TJP2: variants seen among roughly 807,000 people sequenced by gnomAD.
TJP2 encodes tight junction protein 2.
In TJP2, 91 loss-of-function variants were observed where a neutral mutation model predicts 133.1. The ratio of observed to expected loss-of-function variants is 0.68; its 90% CI spans 0.58 to 0.81. The LOEUF (loss-of-function observed/expected upper bound fraction) is 0.81, where lower values mean the gene tolerates loss of function less well. Ranked by LOEUF, TJP2 falls within the 40% of genes least tolerant of loss-of-function variation. The pLI is 0.00. For synonymous variants in TJP2, 592 were observed against 583.4 expected, an observed-to-expected ratio of 1.01 and a Z score of -0.21; for missense variants, 1,541 against 1,565.6, an observed-to-expected ratio of 0.98 and a Z score of 0.26.
chr9:69,234,591 G>GGGGGGCCC, intron 12 of TJP2, 44 bp downstream of exon 12: 1 of 572,868 alleles, frequency 1.7e-6, no homozygotes, highest in Non-Finnish European at 3.4e-6. Context: ...TGGGGGTGGG[G>GGGGGGCCC]AGTGGGAAGG....
At chr9:69,211,219 C>A (rs1359480199) in intron 1 of TJP2, among the ~76,000 whole-genome samples, 1 of 152,142 alleles carries the variant, frequency 6.6e-6, no homozygotes, top group Non-Finnish European at 1.5e-5. Flanking sequence ...CACCTGTAAT[C>A]CTAGCTACCC....
intron 1 of TJP2, among the ~76,000 whole-genome samples, chr9:69,128,737 A>G (rs1241779221): frequency 1.3e-5 from 2 of 152,166 alleles, no homozygotes; most frequent in African/African-American, 2.4e-5. Flanking sequence ...CGTGTTAGCC[A>G]GGATGGTCTC....
At chr9:69,182,900 G>A (rs1275867296) in intron 1 of TJP2, among the ~76,000 whole-genome samples, 4 of 148,968 alleles carry the variant, frequency 2.7e-5, no homozygotes, top group Non-Finnish European at 4.4e-5. Flanking sequence ...GCAATTCTCC[G>A]GCCTCAGCCT....
In TJP2 at chr9:69,212,549, C is replaced by T; in HGVS notation, c.62C>T (p.Ala21Val). ...ATTGGTTTTGTTCTTTTAAAACAGG[C>T]CCCAGGCATGGAAGAGCTGATATGG... The part of the protein sequence containing the change: ...PRRELSGWLR[A>V]PGMEELIWEQ... Residue 21 changes from alanine (A) to valine (V), a missense_variant and splice_region_variant, in exon 2 of 23, where the codon GCC (alanine) becomes GTC (valine). Transcript: ENST00000377245. The T allele has an allele frequency of 6.2e-7, 1 of 1,611,688 alleles. No individual in the cohort carries two copies. Among genetic ancestry groups the T allele is most frequent in the African/African-American group, 1.3e-5 (1 of 74,976 alleles).
At chr9:69,187,183 C>T (rs1210556077) in intron 1 of TJP2, among the ~76,000 whole-genome samples, 1 of 152,166 alleles carries the variant, frequency 6.6e-6, no homozygotes, top group Non-Finnish European at 1.5e-5. Flanking sequence ...AAGGAACATA[C>T]ACATGTCTAT....
chr9:69,147,542 G>C (rs932468331), intron 1 of TJP2, among the ~76,000 whole-genome samples: 3 of 152,162 alleles, frequency 2.0e-5, no homozygotes, highest in Non-Finnish European at 4.4e-5. Flanking sequence ...ACAGAAACGG[G>C]ATGTTCTTAG....
intron 1 of TJP2, among the ~76,000 whole-genome samples, chr9:69,126,472 C>G (rs1822297458): frequency 1.3e-5 from 1 of 76,914 alleles, no homozygotes. Flanking sequence ...AAATGCCACA[C>G]AGTGTAAAAG....
chr9:69,149,665 G>T (rs1823376420), intron 1 of TJP2, among the ~76,000 whole-genome samples: 1 of 152,138 alleles, frequency 6.6e-6, no homozygotes, highest in Admixed American at 6.5e-5. Flanking sequence ...AGTTTTTCCT[G>T]TGACTGCCCG....
At chr9:69,137,283 CTTTCTTTCTTTCTTTCT>C in intron 1 of TJP2, among the ~76,000 whole-genome samples, 1 of 107,308 alleles carries the variant, frequency 9.3e-6, no homozygotes, top group African/African-American at 3.9e-5. Context: ...TTCTTTCTTT[CTTTCTTTCTTTCTTTCT>C]TTTCTTTTCT....
intron 2 of TJP2, among the ~76,000 whole-genome samples, chr9:69,159,901 ATATATATG>A (rs1823977976): frequency 1.9e-5 from 1 of 52,902 alleles, no homozygotes; most frequent in Non-Finnish European, 4.3e-5. Context: ...ATACATATAT[ATATATATG>A]TGTGTGTGTG....
rs1830471696 is a variant in TJP2, at chr9:69,239,954, G to T, written c.2373G>T (p.Leu791=). The change falls in exon 17 of 23, where the codon CTG becomes CTT. Residue 791 remains leucine (L), a synonymous_variant. Transcript: ENST00000377245. ...GTAAACAGGATAAGCATGCACTACT[G>T]GATGTGACTCCGAAAGCTGTGGACC... is the stretch of plus-strand genomic sequence containing the variant. ...QIIEQDKHAL[L]DVTPKAVDLL... is the part of the protein sequence containing the mutation. 6.2e-7 allele frequency: 1 copy of T among 1,614,106 alleles called. No homozygotes were observed. The highest frequency in any genetic ancestry group is 8.5e-7 in the Non-Finnish European group (1 of 1,180,000).
At chr9:69,246,929 AT>A (rs1238000733) in intron 18 of TJP2, 139 bp downstream of exon 18, 22 of 773,562 alleles carry the variant, frequency 2.8e-5, no homozygotes, top group Non-Finnish European at 4.3e-5. Flanking sequence ...AATTTCGTAA[AT>A]TCTCTGACCA....
chr9:69,161,806 G>T (rs1194982050), intron 2 of TJP2, among the ~76,000 whole-genome samples: 1 of 150,048 alleles, frequency 6.7e-6, no homozygotes, highest in East Asian at 1.9e-4. Flanking sequence ...CTAGCACTTT[G>T]GAAGGCCGAG....
At chr9:69,188,052 G>A (rs1825971358) in intron 1 of TJP2, among the ~76,000 whole-genome samples, 1 of 152,230 alleles carries the variant, frequency 6.6e-6, no homozygotes, top group South Asian at 2.1e-4. Context: ...CTGAGAATGT[G>A]TTCTTGAGTT....
intron 1 of TJP2, among the ~76,000 whole-genome samples, chr9:69,147,373 AT>A (rs1412899832): frequency 2.6e-5 from 4 of 152,134 alleles, no homozygotes; most frequent in Non-Finnish European, 5.9e-5. Context: ...ATCGCAACTG[AT>A]TAGGGATGTT....
Position 69,212,528 on chromosome 9 carries a change from G to C in TJP2, c.61-20G>C, listed in dbSNP as rs1827994834. 1 of 1,602,670 alleles carries C rather than the reference G, an allele frequency of 6.2e-7. No individual in the cohort carries two copies. Among genetic ancestry groups the C allele is most frequent in the East Asian group, 2.2e-5 (1 of 44,768 alleles). ...AAAGGTTGTGGTTTTCATCAGATTG[G>C]TTTTGTTCTTTTAAAACAGGCCCCA... On this transcript the variant is annotated intron_variant, in intron 1 of 22. Coordinates refer to ENST00000377245, the MANE Select transcript of TJP2 (RefSeq NM_004817.4).
rs765676692 is a variant in TJP2, at chr9:69,229,249, G to A, written c.1519G>A (p.Gly507Ser). The A allele has an allele frequency of 3.6e-5, 58 of 1,613,370 alleles. 2 individuals carry two copies. The South Asian group carries it at 6.0e-4, about 17-fold the overall frequency. ...RPSPEDEAIY[G>S]PNTKMVRFKK... ...TAGTCCTGAAGATGAAGCAATATAT[G>A]GGTATGTATTTCCGTCTCTCTTTGT... The change falls in exon 10 of 23, where the codon GGC becomes AGC. Residue 507 changes from glycine (G) to serine (S), a missense_variant and splice_region_variant. Physicochemically the swap from Gly to Ser is moderately conservative, Grantham distance 56. Coordinates refer to ENST00000377245, the MANE Select transcript of TJP2 (RefSeq NM_004817.4).
chr9:69,179,853 G>C (rs1281572115), intron 1 of TJP2, among the ~76,000 whole-genome samples: 1 of 152,146 alleles, frequency 6.6e-6, no homozygotes, highest in Admixed American at 6.6e-5. Flanking sequence ...GTTTTAGTAA[G>C]TTAGGCTGAC....
At chr9:69,253,013 A>G (rs78315340) in intron 22 of TJP2, 113 bp downstream of exon 22, 2 of 929,338 alleles carry the variant, frequency 2.2e-6, no homozygotes, top group African/African-American at 1.6e-5. Flanking sequence ...TTTTTTCCCC[A>G]CAGATTGACT....
Sources: gnomAD v4.1 joint callset for allele counts (sites outside exome capture counted in the v4.1 genomes callset) on GRCh38, gnomAD v4.1.1 for gene constraint, MANE v1.5 for transcripts, NCBI Gene and HGNC (gene_info 2026-07-23, HGNC 2026-07-21) for gene names.